Variants in MECOM observed in about 807,000 individuals in gnomAD.
MECOM encodes the protein MDS1 and EVI1 complex locus, also known as histone-lysine N-methyltransferase MECOM.
Under a neutral mutation model 116.3 loss-of-function variants are expected in MECOM, and 13 were observed. That is an observed-to-expected ratio of 0.11 (90% CI 0.07 to 0.18). MECOM has a LOEUF of 0.18. MECOM is among the 10% of genes least tolerant of loss of function. The pLI is 1.00. For missense variants in MECOM, 1,299 were observed against 1,509.0 expected (o/e 0.86, Z 2.31); for synonymous variants, 528 against 535.2 (o/e 0.99, Z 0.19).
intron 2 of MECOM, among the ~76,000 whole-genome samples, chr3:169,225,762 AC>A (rs879364881): frequency 4.6e-4 from 70 of 152,154 alleles, no homozygotes; most frequent in South Asian, 8.3e-4. Context: ...GGCATGCACC[AC>A]CACGCCTGGA....
At chr3:169,200,699 GATTA>G (rs1332254494) in intron 2 of MECOM, among the ~76,000 whole-genome samples, 1 of 152,026 alleles carries the variant, frequency 6.6e-6, no homozygotes, top group Non-Finnish European at 1.5e-5. Flanking sequence ...TTATACTAAA[GATTA>G]AAACTATTGC....
rs143824379 is a variant in MECOM at position 169,187,743 on chromosome 3, C to T, written c.376-43911G>A. Among the ~76,000 whole-genome samples, 793 of 152,172 alleles carry T rather than the reference C, an allele frequency of 5.2e-3. 4 individuals are homozygous for T. Among genetic ancestry groups the T allele is most frequent in the Non-Finnish European group, 9.3e-3 (631 of 67,988 alleles). Reference sequence around the variant, plus strand: ...TGGAACAAGAGACCAGACATACCTGCTTTATGTTAAAGAAAAGCATGTATG... The same window carrying T: ...TGGAACAAGAGACCAGACATACCTGTTTTATGTTAAAGAAAAGCATGTATG... On this transcript the variant is annotated intron_variant, in intron 2 of 16. Coordinates refer to ENST00000651503, the MANE Select transcript of MECOM (RefSeq NM_004991.4).
chr3:169,417,851 G>T (rs376866781), intron 1 of MECOM, among the ~76,000 whole-genome samples: 7 of 151,876 alleles, frequency 4.6e-5, no homozygotes, highest in Middle Eastern at 3.4e-3. Context: ...GCAAACTATC[G>T]CAAGAACAAA....
intron 4 of MECOM, among the ~76,000 whole-genome samples, chr3:169,129,889 C>A (rs1016402243): frequency 1.3e-5 from 2 of 152,024 alleles, no homozygotes; most frequent in African/African-American, 4.8e-5. Flanking sequence ...AGGTTCTATG[C>A]ATAAAAGAGT....
intron 2 of MECOM, among the ~76,000 whole-genome samples, chr3:169,247,557 G>A (rs1318866315): frequency 6.6e-6 from 1 of 152,184 alleles, no homozygotes; most frequent in African/African-American, 2.4e-5. Flanking sequence ...ACCCGCCTCG[G>A]CCTCCCAAAG....
intron 1 of MECOM, among the ~76,000 whole-genome samples, chr3:169,530,370 C>G (rs1273861023): frequency 1.3e-5 from 2 of 152,056 alleles, no homozygotes; most frequent in Non-Finnish European, 2.9e-5. Flanking sequence ...AGCAACTGGC[C>G]AGGGTCATGA....
chr3:169,638,442 C>T (rs890808102), intron 1 of MECOM, among the ~76,000 whole-genome samples: 4 of 152,094 alleles, frequency 2.6e-5, no homozygotes, highest in Non-Finnish European at 5.9e-5. Flanking sequence ...GCACCATGAC[C>T]CTGAGAAGAA....
chr3:169,587,038 C>A (rs536658442), intron 1 of MECOM, among the ~76,000 whole-genome samples: 9 of 152,282 alleles, frequency 5.9e-5, no homozygotes, highest in African/African-American at 1.9e-4. Flanking sequence ...AACCTAATAA[C>A]AGCAGTGCAG....
chr3:169,531,690 A>G (rs1758649388), intron 1 of MECOM, among the ~76,000 whole-genome samples: 1 of 152,200 alleles, frequency 6.6e-6, no homozygotes, highest in Non-Finnish European at 1.5e-5. Context: ...GTTAATGACT[A>G]CTCATGGGTC....
intron 1 of MECOM, among the ~76,000 whole-genome samples, chr3:169,631,021 G>C (rs1262044957): frequency 1.3e-5 from 2 of 152,216 alleles, no homozygotes; most frequent in East Asian, 3.8e-4. Flanking sequence ...GAAGCATATT[G>C]ATGTCCTCCT....
intron 1 of MECOM, among the ~76,000 whole-genome samples, chr3:169,510,965 C>CT (rs1215991783): frequency 6.6e-6 from 1 of 152,104 alleles, no homozygotes; most frequent in Non-Finnish European, 1.5e-5. Flanking sequence ...TAATTCAAAG[C>CT]GTTAAAAAAC....
At chr3:169,494,836 A>G (rs1211273423) in intron 1 of MECOM, among the ~76,000 whole-genome samples, 1 of 152,180 alleles carries the variant, frequency 6.6e-6, no homozygotes, top group Non-Finnish European at 1.5e-5. Context: ...TATCTATTAA[A>G]CTGTTTCAGC....
intron 2 of MECOM, among the ~76,000 whole-genome samples, chr3:169,341,447 A>C (rs1367990121): frequency 1.3e-5 from 2 of 151,436 alleles, no homozygotes; most frequent in East Asian, 3.9e-4. Flanking sequence ...AAAAAAAAAA[A>C]AAACACAGAA....
At chr3:169,232,581 T>C (rs1222830550) in intron 2 of MECOM, among the ~76,000 whole-genome samples, 7 of 151,698 alleles carry the variant, frequency 4.6e-5, no homozygotes, top group Non-Finnish European at 1.5e-5. Context: ...AAGAAATGAG[T>C]TGCAGAGGGA....
At chr3:169,162,127 G>A (rs1742942035) in intron 2 of MECOM, among the ~76,000 whole-genome samples, 2 of 152,182 alleles carry the variant, frequency 1.3e-5, no homozygotes, top group South Asian at 4.1e-4. Flanking sequence ...CAGCTCTTTG[G>A]TGGATACGGA....
intron 2 of MECOM, among the ~76,000 whole-genome samples, chr3:169,219,233 G>T (rs187207882): frequency 6.6e-6 from 1 of 152,146 alleles, no homozygotes; most frequent in African/African-American, 2.4e-5. Context: ...TAGGCCAGGC[G>T]CGGTGGCTCA....
chr3:169,485,973 C>CATAT (rs113586047), intron 1 of MECOM, among the ~76,000 whole-genome samples: 11 of 53,876 alleles, frequency 2.0e-4, no homozygotes, highest in African/African-American at 7.1e-4. Flanking sequence ...ACTATATATA[C>CATAT]ATATATATAT....
intron 1 of MECOM, among the ~76,000 whole-genome samples, chr3:169,397,237 G>A (rs1025526226): frequency 5.9e-5 from 9 of 152,134 alleles, no homozygotes; most frequent in Non-Finnish European, 1.2e-4. Context: ...TCATTGACAT[G>A]GTACAAAAAG....
chr3:169,656,681 C>G (rs1258566837), intron 1 of MECOM, among the ~76,000 whole-genome samples: 1 of 152,114 alleles, frequency 6.6e-6, no homozygotes, highest in African/African-American at 2.4e-5. Context: ...TTTGTCTTGG[C>G]TTTGAGTTCT....
Sources: allele counts gnomAD v4.1 joint callset (sites outside exome capture counted in the v4.1 genomes callset), GRCh38; gene constraint gnomAD v4.1.1; transcripts MANE v1.5; gene names NCBI Gene and HGNC (gene_info 2026-07-23, HGNC 2026-07-21).